BRSK2: variants seen among roughly 807,000 people sequenced by gnomAD.
BRSK2 encodes the protein serine/threonine-protein kinase BRSK2.
BRSK2 carries 19 observed loss-of-function variants against 83.3 expected under a neutral mutation model. That is an observed-to-expected ratio of 0.23 (90% CI 0.16 to 0.33). The LOEUF (loss-of-function observed/expected upper bound fraction) is 0.33, where lower values mean the gene tolerates loss of function less well. Among genes scored for constraint, BRSK2 ranks in the 10% least tolerant of loss-of-function variants. The probability of loss-of-function intolerance (pLI) is 1.00; values close to 1 mark genes in which losing one functional copy is unlikely to be tolerated. For missense variants in BRSK2, 798 were observed against 1,042.3 expected (o/e 0.77, Z 3.23); for synonymous variants, 519 against 435.4 (o/e 1.19, Z -2.39).
At chr11:1,448,822 C>T (rs1240990416) in intron 12 of BRSK2, among the ~76,000 whole-genome samples, 1 of 152,246 alleles carries the variant, frequency 6.6e-6, no homozygotes, top group African/African-American at 2.4e-5. Context: ...TGGGGACCAG[C>T]CCCCGGGTGT....
chr11:1,457,317 C>G (rs1228477906), intron 18 of BRSK2, among the ~76,000 whole-genome samples: 1 of 152,206 alleles, frequency 6.6e-6, no homozygotes, highest in Admixed American at 6.5e-5. Context: ...TCTCTCCATA[C>G]TTCCTGACAG....
intron 1 of BRSK2, among the ~76,000 whole-genome samples, chr11:1,392,706 G>A (rs1220118062): frequency 6.6e-6 from 1 of 152,234 alleles, no homozygotes; most frequent in Non-Finnish European, 1.5e-5. Flanking sequence ...GGGCCTGGAG[G>A]ACGCCCTTCT....
intron 1 of BRSK2, among the ~76,000 whole-genome samples, chr11:1,418,528 T>A (rs1194606348): frequency 1.3e-5 from 2 of 150,514 alleles, no homozygotes; most frequent in African/African-American, 4.9e-5. Context: ...GTGGGTCACC[T>A]GTGTCCTGCT....
rs1302113964 is a variant in BRSK2 at position 1,438,235 on chromosome 11, G to A, written c.187-71G>A. 2.7e-6 allele frequency: 4 copies of A among 1,466,088 alleles called. No homozygotes were observed. The highest frequency in any genetic ancestry group is 1.7e-5 in the Admixed American group (1 of 57,488). The allele number at this position is 1,466,088 out of a possible 1,614,324, so 90.8% of individuals were successfully genotyped here. ...TGCGACCCCCACAGCTGGCACCAAA[G>A]GCAGTGTCTGTGGGGAGCGATGCGT... On this transcript the variant is annotated intron_variant, in intron 2 of 19. Coordinates refer to ENST00000528841, the MANE Select transcript of BRSK2 (RefSeq NM_001256627.2). This position sits in a 1 kb window ranked among gnomAD's most constrained non-coding sequence, Gnocchi z 6.4.
At chr11:1,420,169 C>T (rs1032644602) in intron 1 of BRSK2, among the ~76,000 whole-genome samples, 2 of 152,178 alleles carry the variant, frequency 1.3e-5, no homozygotes, top group Non-Finnish European at 2.9e-5. Flanking sequence ...TGCATGTGTG[C>T]GTGTGTGCAT....
chr11:1,398,466 T>C lies in BRSK2; in HGVS notation c.91+8091T>C, dbSNP rs185543890. ...GGCCAGGGTGGCCATGTCAGGCGCC[T>C]TGGCCCTGCCCCCTGGGGATACAGG... On this transcript the variant is annotated intron_variant, in intron 1 of 19. Transcript: ENST00000528841. Among the ~76,000 whole-genome samples, 254 of 152,256 alleles carry C rather than the reference T, an allele frequency of 1.7e-3. 2 individuals carry two copies. Among genetic ancestry groups the C allele is most frequent in the Admixed American group, 0.012 (189 of 15,310 alleles).
chr11:1,405,566 C>T (rs1011666385), intron 1 of BRSK2, among the ~76,000 whole-genome samples: 2 of 152,086 alleles, frequency 1.3e-5, no homozygotes, highest in Non-Finnish European at 2.9e-5. Flanking sequence ...GAAAACATGC[C>T]CTGTCCTGCC....
rs564760254 is a variant in BRSK2 at position 1,407,432 on chromosome 11, C to T, written c.91+17057C>T. 7.9e-5 allele frequency among the ~76,000 whole-genome samples: 12 copies of T among 152,264 alleles called. No individual in the cohort carries two copies. In the South Asian group the frequency reaches 2.5e-3, roughly 32 times the overall value. On this transcript the variant is annotated intron_variant, in intron 1 of 19. Coordinates refer to ENST00000528841, the MANE Select transcript of BRSK2 (RefSeq NM_001256627.2). ...CACATCGGACCCTTGGCCACAGTGC[C>T]ACCCGTCTTCCTGCACGGGCCTCCC... is the stretch of plus-strand genomic sequence containing the variant.
intron 1 of BRSK2, among the ~76,000 whole-genome samples, chr11:1,395,520 C>G (rs771024756): frequency 6.6e-6 from 1 of 152,190 alleles, no homozygotes; most frequent in East Asian, 1.9e-4. Flanking sequence ...CACAGAGGTT[C>G]CGGGTGGTGA....
At chr11:1,458,174 C>T (rs767851599) in intron 18 of BRSK2, among the ~76,000 whole-genome samples, 44 of 152,060 alleles carry the variant, frequency 2.9e-4, no homozygotes, top group African/African-American at 8.7e-4. Flanking sequence ...AGGGTGTCCC[C>T]GCACCTGAGC....
chr11:1,398,207 A>G (rs10766600), intron 1 of BRSK2, among the ~76,000 whole-genome samples: 108,812 of 152,054 alleles, frequency 0.72, 39,427 homozygotes, highest in Non-Finnish European at 0.76. Context: ...GGCAGTGCCT[A>G]GTGGCCCTCC....
chr11:1,453,377 G>T (rs1846042785), intron 15 of BRSK2, among the ~76,000 whole-genome samples: 1 of 152,256 alleles, frequency 6.6e-6, no homozygotes, highest in Non-Finnish European at 1.5e-5. Flanking sequence ...CATCTGTCCT[G>T]TCTCTTCATC....
At chr11:1,460,461 C>CTTTTTTTTTTTT in intron 19 of BRSK2, 39 bp from the exon 20 acceptor site, 1 of 541,916 alleles carries the variant, frequency 1.8e-6, no homozygotes, top group Non-Finnish European at 2.3e-6. Flanking sequence ...TTCTTTTTTC[C>CTTTTTTTTTTTT]TTTTTTTTTT....
intron 1 of BRSK2, among the ~76,000 whole-genome samples, chr11:1,425,093 G>A (rs147531272): frequency 0.011 from 1,751 of 152,330 alleles, 54 homozygotes; most frequent in East Asian, 0.1. Context: ...GTGCTGCCCC[G>A]AGGCCCGTGA....
intron 1 of BRSK2, among the ~76,000 whole-genome samples, chr11:1,396,394 C>T (rs992075632): frequency 1.3e-5 from 2 of 152,194 alleles, no homozygotes; most frequent in East Asian, 1.9e-4. Context: ...TGGGCCTAAG[C>T]GAGCTCTCCT....
chr11:1,405,605 C>T (rs950542657), intron 1 of BRSK2, among the ~76,000 whole-genome samples: 21 of 152,258 alleles, frequency 1.4e-4, no homozygotes, highest in East Asian at 1.4e-3. Flanking sequence ...GACCGACCAG[C>T]GGCGCCAGCT....
chr11:1,391,153 T>TG (rs1469302505), intron 1 of BRSK2, among the ~76,000 whole-genome samples: 1 of 152,198 alleles, frequency 6.6e-6, no homozygotes, highest in Non-Finnish European at 1.5e-5. Flanking sequence ...CCCTCGCATG[T>TG]GGCCAACTCT....
intron 19 of BRSK2, 52 bp from the exon 20 acceptor site, chr11:1,460,444 CTTTT>C (rs945560155): frequency 5.3e-6 from 6 of 1,138,946 alleles, no homozygotes; most frequent in South Asian, 3.6e-5. Flanking sequence ...TTCTCTCCCC[CTTTT>C]TTTTCTTTTT....
At chr11:1,460,460 CCTTT>C (rs769164257) in intron 19 of BRSK2, 36 bp from the exon 20 acceptor site, 112,212 of 1,103,386 alleles carry the variant, frequency 0.1, 1,460 homozygotes, top group African/African-American at 0.13. Flanking sequence ...TTTCTTTTTT[CCTTT>C]TTTTTTTTTT....
Sources: allele counts gnomAD v4.1 joint callset (sites outside exome capture counted in the v4.1 genomes callset), GRCh38; gene constraint gnomAD v4.1.1; non-coding constraint Gnocchi (gnomAD v3.1); transcripts MANE v1.5; gene names NCBI Gene and HGNC (gene_info 2026-07-23, HGNC 2026-07-21).